The following MAML3 variants were observed in gnomAD, a reference collection of about 807,000 sequenced individuals.
MAML3 encodes the protein mastermind like transcriptional coactivator 3.
MAML3 carries 27 observed loss-of-function variants against 101.9 expected under a neutral mutation model. The observed-to-expected ratio is 0.27, with a 90% CI of 0.20 to 0.37. MAML3 has a LOEUF of 0.37. Among genes scored for constraint, MAML3 ranks in the 10% least tolerant of loss-of-function variants. The pLI is 1.00. For synonymous variants in MAML3, 501 were observed against 555.9 expected (o/e 0.90, Z 1.39); for missense variants, 1,316 against 1,444.9 (o/e 0.91, Z 1.45).
chr4:140,116,547 G>A (rs2111018398), intron 1 of MAML3, among the ~76,000 whole-genome samples: 1 of 152,324 alleles, frequency 6.6e-6, no homozygotes, highest in South Asian at 2.1e-4. Flanking sequence ...CCAACTGCCT[G>A]GATTCAATTC....
intron 1 of MAML3, among the ~76,000 whole-genome samples, chr4:139,926,364 C>T (rs756557338): frequency 5.3e-5 from 8 of 152,088 alleles, no homozygotes; most frequent in East Asian, 1.9e-4. Context: ...TTTGGGAGGC[C>T]GAGGCGGGCG....
rs917663902 is a variant in MAML3, at chr4:140,153,871, T to C, written c.-544A>G. The C allele has an allele frequency of 1.9e-5, 3 of 154,134 alleles. No individual in the cohort carries two copies. Among genetic ancestry groups the C allele is most frequent in the African/African-American group, 7.2e-5 (3 of 41,474 alleles). 9.5% of individuals were successfully genotyped at this position (154,134 alleles called of 1,614,324 possible). A position where few individuals can be genotyped will look rare whatever the true frequency, so the allele number is the denominator to read the frequency against. On this transcript the variant is annotated 5_prime_UTR_variant, in exon 1 of 5. Coordinates refer to ENST00000509479, the MANE Select transcript of MAML3 (RefSeq NM_018717.5). ...TGCATTTTCCTTCCACAAAAAAGTTTTGGTGTTTATGCCGCCCCGTGTTCT... is the reference window on the plus strand; with the variant it reads ...TGCATTTTCCTTCCACAAAAAAGTTCTGGTGTTTATGCCGCCCCGTGTTCT...
chr4:139,793,874 A>G (rs1014708792), intron 2 of MAML3, among the ~76,000 whole-genome samples: 5 of 152,216 alleles, frequency 3.3e-5, no homozygotes, highest in Non-Finnish European at 7.3e-5. Flanking sequence ...GGAGAATATT[A>G]TTATGGTTGT....
At chr4:139,875,422 C>T (rs1732095049) in intron 2 of MAML3, among the ~76,000 whole-genome samples, 1 of 152,178 alleles carries the variant, frequency 6.6e-6, no homozygotes, top group Non-Finnish European at 1.5e-5. Context: ...CACTAGACCG[C>T]CAATTTAACA....
intron 1 of MAML3, among the ~76,000 whole-genome samples, chr4:139,908,343 T>C (rs1732857119): frequency 6.6e-6 from 1 of 152,260 alleles, no homozygotes; most frequent in South Asian, 2.1e-4. Flanking sequence ...TAGTAAAACC[T>C]GATTAATCCA....
rs1728901885 is a variant in MAML3 at position 139,735,514 on chromosome 4, G to A, written c.2080-4847C>T. On this transcript the variant is annotated intron_variant, in intron 2 of 4. Transcript: ENST00000509479. The surrounding 1 kb of genome is among the most constrained non-coding windows in gnomAD (Gnocchi z 5.8). Reference sequence around the variant, plus strand: ...CACCAGACCCCAGGGCCGACAGCCCGGGAGGGACCGGGTTCCAGGACCCCA... The same window carrying A: ...CACCAGACCCCAGGGCCGACAGCCCAGGAGGGACCGGGTTCCAGGACCCCA... Among the ~76,000 whole-genome samples the A allele has an allele frequency of 6.6e-6, 1 of 152,032 alleles. No individual in the cohort carries two copies. The highest frequency in any genetic ancestry group is 1.5e-5 in the Non-Finnish European group (1 of 67,992).
intron 2 of MAML3, among the ~76,000 whole-genome samples, chr4:139,863,147 CTCCAAAA>C: frequency 1.9e-5 from 1 of 53,702 alleles, no homozygotes; most frequent in Non-Finnish European, 3.4e-5. Flanking sequence ...GAGACTCTGT[CTCCAAAA>C]AAAAAAAAAA....
At chr4:139,877,121 CTAAA>C (rs1337832308) in intron 2 of MAML3, among the ~76,000 whole-genome samples, 1 of 152,126 alleles carries the variant, frequency 6.6e-6, no homozygotes, top group Non-Finnish European at 1.5e-5. Flanking sequence ...TTACTGCTGA[CTAAA>C]TAAAACATAT....
chr4:139,857,961 C>T (rs1442359936), intron 2 of MAML3, among the ~76,000 whole-genome samples: 2 of 152,188 alleles, frequency 1.3e-5, no homozygotes, highest in Non-Finnish European at 2.9e-5. Flanking sequence ...CTAGCGTGGT[C>T]TGACGAGTGC....
At position 140,119,677 on chromosome 4, in the gene MAML3, G is replaced by T. The variant is rs112524549; in HGVS notation, c.468+33183C>A. Among the ~76,000 whole-genome samples the T allele has an allele frequency of 3.0e-3, 423 of 140,008 alleles. 1 individual carries two copies. The highest frequency in any genetic ancestry group is 5.7e-3 in the Non-Finnish European group (372 of 65,592). 91.9% of individuals were successfully genotyped at this position (140,008 alleles called of 152,430 possible). A position where few individuals can be genotyped will look rare whatever the true frequency, so the allele number is the denominator to read the frequency against. ...CTCTTTCACCCAGGCTATACAGCAC[G>T]GTGGCACAATCATAGCTCACTGCAG... On this transcript the variant is annotated intron_variant, in intron 1 of 4. Transcript: ENST00000509479.
In MAML3 at chr4:139,771,599, T is replaced by G. The variant is rs558621943; in HGVS notation, c.2080-40932A>C. The stretch of plus-strand genomic sequence containing the variant: ...AAATAAAGGGCAGAGTTCACTAGTT[T>G]ATACACTGCTCCTCTAGAGTTTAGC... On this transcript the variant is annotated intron_variant, in intron 2 of 4. Transcript: ENST00000509479. Among the ~76,000 whole-genome samples, 7 of 152,348 alleles carry G rather than the reference T, an allele frequency of 4.6e-5. No homozygotes were observed. In the East Asian group the frequency reaches 1.4e-3, roughly 29 times the overall value.
intron 1 of MAML3, among the ~76,000 whole-genome samples, chr4:140,026,320 T>C (rs1726823175): frequency 6.6e-6 from 1 of 152,160 alleles, no homozygotes; most frequent in African/African-American, 2.4e-5. Context: ...AGTGGCGTGA[T>C]CTTGGCTCAC....
intron 2 of MAML3, among the ~76,000 whole-genome samples, chr4:139,778,012 C>T (rs761866764): frequency 6.6e-6 from 1 of 152,200 alleles, no homozygotes; most frequent in African/African-American, 2.4e-5. Flanking sequence ...TCAAGTGTCA[C>T]CTCCATGGGC....
At chr4:139,992,059 C>T (rs1382473809) in intron 1 of MAML3, among the ~76,000 whole-genome samples, 1 of 152,136 alleles carries the variant, frequency 6.6e-6, no homozygotes, top group African/African-American at 2.4e-5. Flanking sequence ...CTTTGTGTCT[C>T]CACAAATCGG....
intron 1 of MAML3, among the ~76,000 whole-genome samples, chr4:139,946,891 A>C (rs928573539): frequency 7.5e-5 from 8 of 106,656 alleles, no homozygotes; most frequent in Non-Finnish European, 9.9e-5. Context: ...AGAGTAAGCC[A>C]CACACACACA....
rs773415307 is a variant in MAML3, at chr4:139,719,295, G to A, written c.*28C>T. 26 of 1,535,954 alleles carry A rather than the reference G, an allele frequency of 1.7e-5. No individual in the cohort carries two copies. Among genetic ancestry groups the A allele is most frequent in the East Asian group, 2.3e-5 (1 of 44,058 alleles). On this transcript the variant is annotated 3_prime_UTR_variant, in exon 5 of 5. Coordinates refer to ENST00000509479, the MANE Select transcript of MAML3 (RefSeq NM_018717.5). Reference sequence around the variant, plus strand: ...TTCACTTTTTAAGCTTTAACCACTCGAGTTGTGGATCTTGGGGCCTCTCTT... The same window carrying A: ...TTCACTTTTTAAGCTTTAACCACTCAAGTTGTGGATCTTGGGGCCTCTCTT...
intron 1 of MAML3, among the ~76,000 whole-genome samples, chr4:139,896,908 C>A (rs1378167620): frequency 6.6e-6 from 1 of 152,078 alleles, no homozygotes; most frequent in Non-Finnish European, 1.5e-5. Context: ...TGCATGACAC[C>A]CACAGCAAGG....
intron 1 of MAML3, among the ~76,000 whole-genome samples, chr4:140,126,663 C>G (rs530549503): frequency 6.6e-6 from 1 of 152,304 alleles, no homozygotes; most frequent in African/African-American, 2.4e-5. Context: ...TCTGCAATGT[C>G]TATACCCGCA....
Position 139,799,807 on chromosome 4 carries a change from T to G in MAML3, c.2080-69140A>C, listed in dbSNP as rs371957839. 2.2e-4 allele frequency among the ~76,000 whole-genome samples: 34 copies of G among 152,298 alleles called. 1 individual carries two copies. In the East Asian group the frequency reaches 5.2e-3, roughly 23 times the overall value. On this transcript the variant is annotated intron_variant, in intron 2 of 4. Transcript: ENST00000509479. ...GAGGAGGGCAAGGCACAGCTGTCAG[T>G]GATTTCAATTCCAGTCCTTTACAAT...
Sources: allele counts gnomAD v4.1 joint callset (sites outside exome capture counted in the v4.1 genomes callset), GRCh38; gene constraint gnomAD v4.1.1; non-coding constraint Gnocchi (gnomAD v3.1); transcripts MANE v1.5; gene names NCBI Gene and HGNC (gene_info 2026-07-23, HGNC 2026-07-21).